The following EFHD1 variants were observed in gnomAD, a reference collection of about 807,000 sequenced individuals.
EFHD1 encodes the protein EF-hand domain family member D1.
A neutral mutation model predicts 17.2 loss-of-function variants in EFHD1; 10 were observed. The ratio of observed to expected loss-of-function variants is 0.58; its 90% confidence interval spans 0.36 to 0.99. The LOEUF is 0.99. Ranked by LOEUF, EFHD1 falls within the 50% of genes least tolerant of loss-of-function variation. The probability of loss-of-function intolerance (pLI) is 0.01; values close to 1 mark genes in which losing one functional copy is unlikely to be tolerated. For missense variants in EFHD1, 310 were observed against 327.5 expected (o/e 0.95, Z 0.41); for synonymous variants, 153 against 142.0 (o/e 1.08, Z -0.55).
At chr2:232,634,750 CGGGGA>C (rs2106193878) in intron 1 of EFHD1, among the ~76,000 whole-genome samples, 1 of 152,332 alleles carries the variant, frequency 6.6e-6, no homozygotes, top group South Asian at 2.1e-4. Flanking sequence ...CTGGAACCTC[CGGGGA>C]TCTCAGTTTC....
chr2:232,624,895 T>C (rs1346105904), intron 1 of EFHD1, among the ~76,000 whole-genome samples: 1 of 152,202 alleles, frequency 6.6e-6, no homozygotes, highest in Non-Finnish European at 1.5e-5. Context: ...CTGCTGGTCA[T>C]GATTTAAATG....
chr2:232,611,392 T>C (rs1364128570), intron 1 of EFHD1: 1 of 152,086 alleles, frequency 6.6e-6, no homozygotes, highest in Non-Finnish European at 1.5e-5. Flanking sequence ...GCTCTGCATC[T>C]TGGCCCACAG....
chr2:232,617,266 G>C (rs1396616408), intron 1 of EFHD1, among the ~76,000 whole-genome samples: 1 of 152,164 alleles, frequency 6.6e-6, no homozygotes, highest in South Asian at 2.1e-4. Flanking sequence ...TTTATGAATT[G>C]CTTCTTTACT....
At chr2:232,607,865 G>A (rs11678936) in intron 1 of EFHD1, among the ~76,000 whole-genome samples, 39,823 of 149,672 alleles carry the variant, frequency 0.27, 6,689 homozygotes, top group Middle Eastern at 0.43. Flanking sequence ...AGGCCAAGTC[G>A]GGAGGACAGC....
At chr2:232,681,518 T>C in intron 3 of EFHD1, 67 bp from the exon 4 acceptor site, 1 of 1,567,950 alleles carries the variant, frequency 6.4e-7, no homozygotes, top group Non-Finnish European at 8.7e-7. Context: ...TTGGCTCAGG[T>C]GTCAGCAGCT....
At chr2:232,640,657 T>G (rs749352119) in intron 1 of EFHD1, among the ~76,000 whole-genome samples, 1 of 152,088 alleles carries the variant, frequency 6.6e-6, no homozygotes, top group East Asian at 1.9e-4. Context: ...TGATGCTGTT[T>G]GGATGGGAGG....
In EFHD1 at chr2:232,627,014, G is replaced by GTCTCTCTCTC. The variant is rs34012045; in HGVS notation, c.14+20855_14+20864dup. ...AGCCTGGGCAACATAGTGAGATCCT[G>GTCTCTCTCTC]TCTCTCTCTCTCTCTCTCTCTCTAT... On this transcript the variant is annotated intron_variant, in intron 1 of 3. Coordinates refer to the EFHD1 transcript ENST00000409613. Among the ~76,000 whole-genome samples the GTCTCTCTCTC allele has an allele frequency of 3.1e-3, 213 of 69,658 alleles. 4 individuals are homozygous for GTCTCTCTCTC. Among genetic ancestry groups the GTCTCTCTCTC allele is most frequent in the Admixed American group, 5.9e-3 (28 of 4,738 alleles). 45.7% of individuals were successfully genotyped at this position (69,658 alleles called of 152,430 possible). A position where few individuals can be genotyped will look rare whatever the true frequency, so the allele number is the denominator to read the frequency against.
Position 232,614,019 on chromosome 2 carries a change from CAAAT to C in EFHD1, c.14+7848_14+7851del, listed in dbSNP as rs767188779. Among the ~76,000 whole-genome samples, 47 of 150,578 alleles carry C rather than the reference CAAAT, an allele frequency of 3.1e-4. No homozygotes were observed. The East Asian group carries it at 8.0e-3, about 26-fold the overall frequency. ...ACATGTGCACATACACATATACACA[CAAAT>C]ACACACACAAACATACACAAACACA... is the stretch of plus-strand genomic sequence containing the variant. On this transcript the variant is annotated intron_variant, in intron 1 of 3. Coordinates refer to the EFHD1 transcript ENST00000409613.
chr2:232,626,142 T>A (rs1381537278), intron 1 of EFHD1, among the ~76,000 whole-genome samples: 2 of 151,112 alleles, frequency 1.3e-5, no homozygotes, highest in South Asian at 2.1e-4. Flanking sequence ...CAGTGAGCCA[T>A]GATCACAACA....
chr2:232,630,864 T>C (rs1482653411), upstream of EFHD1, among the ~76,000 whole-genome samples: 1 of 151,864 alleles, frequency 6.6e-6, no homozygotes, highest in African/African-American at 2.4e-5. Context: ...TATTCATAAA[T>C]AAAAAGAGCT....
intron 1 of EFHD1, among the ~76,000 whole-genome samples, chr2:232,623,902 G>A (rs938885591): frequency 4.6e-5 from 7 of 152,078 alleles, no homozygotes; most frequent in Admixed American, 2.6e-4. Context: ...TGCAGAGAAG[G>A]GGAAGAGAGA....
At chr2:232,648,769 G>C (rs1694580990) in intron 1 of EFHD1, among the ~76,000 whole-genome samples, 1 of 152,124 alleles carries the variant, frequency 6.6e-6, no homozygotes, top group East Asian at 1.9e-4. Context: ...TAACACTCCT[G>C]GGTGACCGTG....
At chr2:232,622,917 T>C (rs1432050949) in intron 1 of EFHD1, among the ~76,000 whole-genome samples, 1 of 152,222 alleles carries the variant, frequency 6.6e-6, no homozygotes, top group Non-Finnish European at 1.5e-5. Flanking sequence ...TGATTACATG[T>C]AGGGATGATA....
chr2:232,606,488 T>C, intron 1 of EFHD1: 1 of 489,310 alleles, frequency 2.0e-6, no homozygotes, highest in South Asian at 2.3e-5. Context: ...GAGGAAGGTT[T>C]CTTTTTTTAC....
At chr2:232,612,927 T>C (rs1553593842) in intron 1 of EFHD1, among the ~76,000 whole-genome samples, 1 of 151,778 alleles carries the variant, frequency 6.6e-6, no homozygotes, top group Non-Finnish European at 1.5e-5. Context: ...GAGATGGGGT[T>C]TCGCCATGTT....
At chr2:232,673,048 G>A (rs958299897) in intron 3 of EFHD1, among the ~76,000 whole-genome samples, 4 of 152,158 alleles carry the variant, frequency 2.6e-5, no homozygotes, top group African/African-American at 7.2e-5. Flanking sequence ...AAGTGGTTTG[G>A]TCCTTCCTTC....
upstream of EFHD1, chr2:232,633,510 T>C (rs1231904047): frequency 2.4e-6 from 3 of 1,265,836 alleles, no homozygotes; most frequent in Admixed American, 1.3e-4. Context: ...CGCTGAGCCC[T>C]GGCGCCTCCT....
At chr2:232,652,530 T>C (rs1189359049) in intron 1 of EFHD1, among the ~76,000 whole-genome samples, 1 of 152,136 alleles carries the variant, frequency 6.6e-6, no homozygotes, top group Non-Finnish European at 1.5e-5. Context: ...TAATAACCAC[T>C]TCACAGTACT....
chr2:232,658,860 A>G (rs1694809447), intron 1 of EFHD1, among the ~76,000 whole-genome samples: 1 of 152,192 alleles, frequency 6.6e-6, no homozygotes, highest in African/African-American at 2.4e-5. Context: ...TATACTAAAA[A>G]TTAATGCACT....
Sources: gnomAD v4.1 joint callset for allele counts (sites outside exome capture counted in the v4.1 genomes callset) on GRCh38, gnomAD v4.1.1 for gene constraint, MANE v1.5 for transcripts, NCBI Gene and HGNC (gene_info 2026-07-23, HGNC 2026-07-21) for gene names.